The following ZNF480 variants were observed in gnomAD, a reference collection of about 807,000 sequenced individuals.
ZNF480 encodes the protein zinc finger protein 480.
In ZNF480, 15 loss-of-function variants were observed where a neutral mutation model predicts 14.4. The ratio of observed to expected loss-of-function variants is 1.04; its 90% CI spans 0.70 to 1.60. ZNF480 has a LOEUF of 1.60. Among genes scored for constraint, ZNF480 ranks in the 40% most tolerant of loss-of-function variants. The pLI, the probability that ZNF480 is intolerant of heterozygous loss-of-function variation, is 0.00. For missense variants in ZNF480, 593 were observed against 629.7 expected, an observed-to-expected ratio of 0.94 and a Z score of 0.62; for synonymous variants, 218 against 215.5, an observed-to-expected ratio of 1.01 and a Z score of -0.10.
intron 2 of ZNF480, chr19:52,300,790 C>A (rs748931334): frequency 1.3e-4 from 57 of 445,500 alleles, no homozygotes; most frequent in Middle Eastern, 6.3e-4. Context: ...CATTGATAAG[C>A]ATTGTTTCTA....
chr19:52,305,554 CTGAATCAA>C (rs949410310), intron 2 of ZNF480, among the ~76,000 whole-genome samples: 6 of 152,182 alleles, frequency 3.9e-5, no homozygotes, highest in Admixed American at 1.3e-4. Context: ...CCATTGTAAT[CTGAATCAA>C]TGACTCCTGC....
intron 2 of ZNF480, among the ~76,000 whole-genome samples, chr19:52,310,149 G>A (rs1034523863): frequency 1.3e-5 from 2 of 151,860 alleles, no homozygotes; most frequent in Non-Finnish European, 2.9e-5. Context: ...TCTGTCTTCT[G>A]GGTTCAAGCA....
intron 2 of ZNF480, among the ~76,000 whole-genome samples, chr19:52,303,268 A>G (rs1982782747): frequency 6.6e-6 from 1 of 152,202 alleles, no homozygotes; most frequent in African/African-American, 2.4e-5. Context: ...ATTGGTTTAA[A>G]TTTAGTCATT....
chr19:52,297,381 C>G (rs571628876), intron 1 of ZNF480, among the ~76,000 whole-genome samples, 158 bp downstream of exon 1: 1 of 151,826 alleles, frequency 6.6e-6, no homozygotes, highest in East Asian at 2.0e-4. Flanking sequence ...GGTCGCTTCC[C>G]TGTGTGTTTA....
intron 4 of ZNF480, among the ~76,000 whole-genome samples, chr19:52,316,215 TCTTTCTTC>T (rs1555798895): frequency 2.3e-4 from 35 of 151,444 alleles, no homozygotes; most frequent in Non-Finnish European, 4.3e-4. Flanking sequence ...TTTCTTTCTT[TCTTTCTTC>T]CTTTCTTCCT....
intron 3 of ZNF480, among the ~76,000 whole-genome samples, 173 bp from the exon 4 acceptor site, chr19:52,315,661 G>A (rs946196928): frequency 6.6e-6 from 1 of 152,054 alleles, no homozygotes; most frequent in African/African-American, 2.4e-5. Flanking sequence ...TTGGAAAGGG[G>A]CTTGATGTCT....
intron 3 of ZNF480, among the ~76,000 whole-genome samples, chr19:52,314,498 A>AC (rs1179915805): frequency 1.5e-5 from 2 of 132,406 alleles, no homozygotes; most frequent in African/African-American, 2.9e-5. Context: ...AAAAAAAAAA[A>AC]CCAAAAAAAC....
chr19:52,297,614 C>T (rs943538843), intron 1 of ZNF480, among the ~76,000 whole-genome samples: 1 of 152,144 alleles, frequency 6.6e-6, no homozygotes, highest in Non-Finnish European at 1.5e-5. Context: ...CCAGGAGAAG[C>T]CGCGTCTTCT....
In ZNF480 at chr19:52,325,692, C is replaced by T. The variant is rs1424574618; in HGVS notation, c.*2834C>T. On this transcript the variant is annotated 3_prime_UTR_variant, in exon 5 of 5. Coordinates refer to ENST00000595962, the MANE Select transcript of ZNF480 (RefSeq NM_144684.4). ...CAGAAAATGAAATATCCCATGTTCT[C>T]ACTTATAAGTGGGAGCTAAACATTG... 2.6e-5 allele frequency: 4 copies of T among 152,166 alleles called. No individual in the cohort carries two copies. The highest frequency in any genetic ancestry group is 2.1e-4 in the South Asian group (1 of 4,828). 9.4% of individuals were successfully genotyped at this position (152,166 alleles called of 1,614,324 possible). A position where few individuals can be genotyped will look rare whatever the true frequency, so the allele number is the denominator to read the frequency against.
chr19:52,319,811 G>GT (rs56151161), intron 4 of ZNF480, among the ~76,000 whole-genome samples: 3,614 of 96,532 alleles, frequency 0.037, 126 homozygotes, highest in African/African-American at 0.1. Context: ...CTGATACTGT[G>GT]TTTTTTTTTT....
At chr19:52,319,807 CTG>C (rs1211710849) in intron 4 of ZNF480, among the ~76,000 whole-genome samples, 1 of 125,618 alleles carries the variant, frequency 8.0e-6, no homozygotes, top group Non-Finnish European at 1.6e-5. Flanking sequence ...GTAGCTGATA[CTG>C]TGTTTTTTTT....
At chr19:52,319,779 T>C (rs1394642014) in intron 4 of ZNF480, among the ~76,000 whole-genome samples, 1 of 151,864 alleles carries the variant, frequency 6.6e-6, no homozygotes, top group Non-Finnish European at 1.5e-5. Context: ...TCTTCTCTGT[T>C]TTTTGTTTTT....
intron 2 of ZNF480, chr19:52,308,659 A>G (rs1039338489): frequency 1.3e-5 from 2 of 152,020 alleles, no homozygotes; most frequent in East Asian, 1.9e-4. Flanking sequence ...CCAGTTTTTT[A>G]TGTCTACCTT....
intron 2 of ZNF480, chr19:52,308,743 T>C (rs1983113400): frequency 6.6e-6 from 1 of 152,140 alleles, no homozygotes; most frequent in African/African-American, 2.4e-5. Context: ...TTGGGGAGTC[T>C]CCTGCACCAG....
rs557529967 is a variant in ZNF480, at chr19:52,302,363, T to G, written c.72+1879T>G. 5.3e-5 allele frequency among the ~76,000 whole-genome samples: 8 copies of G among 152,330 alleles called. No individual in the cohort carries two copies. The South Asian group carries it at 1.7e-3, about 32-fold the overall frequency. ...CAGTTCCATAATCACTGTTCCCCCC[T>G]TTGTGTTTTTGTAATTGCTGTTTTA... is the stretch of plus-strand genomic sequence containing the variant. On this transcript the variant is annotated intron_variant, in intron 2 of 4. Coordinates refer to ENST00000595962, the MANE Select transcript of ZNF480 (RefSeq NM_144684.4).
chr19:52,322,914 A>G lies in ZNF480; in HGVS notation c.*56A>G. 6.8e-7 allele frequency: 1 copy of G among 1,468,052 alleles called. No individual in the cohort carries two copies. Among genetic ancestry groups the G allele is most frequent in the South Asian group, 1.5e-5 (1 of 67,954 alleles). The allele number at this position is 1,468,052 out of a possible 1,614,324, so 90.9% of individuals were successfully genotyped here. On this transcript the variant is annotated 3_prime_UTR_variant, in exon 5 of 5. Coordinates refer to ENST00000595962, the MANE Select transcript of ZNF480 (RefSeq NM_144684.4). ...ATTTAGTGTGCACTCAAGCCTTACT[A>G]CCCATCTTTTATTCCATACTGCAAA...
rs1446927568 is a variant in ZNF480, at chr19:52,297,857, C to A, written c.-20+634C>A. The A allele has an allele frequency of 2.0e-5, 3 of 152,286 alleles. No individual in the cohort carries two copies. The East Asian group carries it at 5.8e-4, about 29-fold the overall frequency. 9.4% of individuals were successfully genotyped at this position (152,286 alleles called of 1,614,324 possible). On this transcript the variant is annotated intron_variant, in intron 1 of 4. Coordinates refer to ENST00000595962, the MANE Select transcript of ZNF480 (RefSeq NM_144684.4). The stretch of plus-strand genomic sequence containing the variant: ...GCTTGTGGACATCGGATCCCAATTC[C>A]TTCCATGTGAATGTGTGCAGAAAGA...
intron 4 of ZNF480, among the ~76,000 whole-genome samples, chr19:52,319,741 G>A (rs1600221379): frequency 6.6e-6 from 1 of 151,038 alleles, no homozygotes; most frequent in South Asian, 2.1e-4. Context: ...GAGAGCATCC[G>A]AAAAATGTAT....
rs759517699 is a variant in ZNF480, at chr19:52,322,647, A to G, written c.1397A>G (p.His466Arg). 143 of 1,613,868 alleles carry G rather than the reference A, an allele frequency of 8.9e-5. No homozygotes were observed. The highest frequency in any genetic ancestry group is 1.2e-4 in the Non-Finnish European group (136 of 1,179,936). ...AGTGAATGTGGCAAGGCATTCAGACACAAGTTATCACTAACCAATCATCAG... is the reference window on the plus strand; with the variant it reads ...AGTGAATGTGGCAAGGCATTCAGACGCAAGTTATCACTAACCAATCATCAG... ...KCSECGKAFRHKLSLTNHQRI... is the reference protein window; with the variant it reads ...KCSECGKAFRRKLSLTNHQRI... The change falls in exon 5 of 5, where the codon CAC becomes CGC. Residue 466 changes from histidine to arginine, a missense_variant. By Grantham distance (29) the His-to-Arg change is conservative. Coordinates refer to ENST00000595962, the MANE Select transcript of ZNF480 (RefSeq NM_144684.4).
Sources: allele counts gnomAD v4.1 joint callset (sites outside exome capture counted in the v4.1 genomes callset), GRCh38; gene constraint gnomAD v4.1.1; transcripts MANE v1.5; gene names NCBI Gene and HGNC (gene_info 2026-07-23, HGNC 2026-07-21).